The following KCNH8 variants were observed in gnomAD, a reference collection of about 807,000 sequenced individuals.
KCNH8 encodes the protein potassium voltage-gated channel subfamily H member 8.
A neutral mutation model predicts 103.6 loss-of-function variants in KCNH8; 70 were observed. The ratio of observed to expected loss-of-function variants is 0.68; its 90% CI spans 0.56 to 0.82. The LOEUF (loss-of-function observed/expected upper bound fraction) is 0.82, where lower values mean the gene tolerates loss of function less well. KCNH8 is among the 40% of genes least tolerant of loss of function. The pLI, the probability that KCNH8 is intolerant of heterozygous loss-of-function variation, is 0.00. For missense variants in KCNH8, 1,217 were observed against 1,329.9 expected (o/e 0.92, Z 1.32); for synonymous variants, 498 against 489.4 (o/e 1.02, Z -0.23).
At chr3:19,291,968 T>C (rs187562422) in intron 3 of KCNH8, among the ~76,000 whole-genome samples, 5 of 152,330 alleles carry the variant, frequency 3.3e-5, no homozygotes. Flanking sequence ...CCCTCACCTG[T>C]GTGATAGTGG....
chr3:19,355,647 A>T (rs1001563260), intron 5 of KCNH8, among the ~76,000 whole-genome samples: 2 of 152,012 alleles, frequency 1.3e-5, no homozygotes, highest in African/African-American at 4.8e-5. Context: ...AAAACCAAAC[A>T]TCCCATGTTC....
chr3:19,172,547 G>T (rs1387689094), intron 1 of KCNH8, among the ~76,000 whole-genome samples: 1 of 152,116 alleles, frequency 6.6e-6, no homozygotes, highest in Non-Finnish European at 1.5e-5. Flanking sequence ...CATCACTGTT[G>T]TCATCTTTGT....
At chr3:19,412,497 CTAAA>C (rs2066795971) in intron 7 of KCNH8, among the ~76,000 whole-genome samples, 1 of 151,966 alleles carries the variant, frequency 6.6e-6, no homozygotes, top group Non-Finnish European at 1.5e-5. Flanking sequence ...GAATTTATAA[CTAAA>C]TAGTCAAAAG....
intron 3 of KCNH8, among the ~76,000 whole-genome samples, chr3:19,336,120 A>C (rs917993980): frequency 6.6e-6 from 1 of 151,634 alleles, no homozygotes. Flanking sequence ...TTAAATATAT[A>C]GTTTGTTTCA....
chr3:19,304,568 AAGAT>A (rs2065105858), intron 3 of KCNH8, among the ~76,000 whole-genome samples: 1 of 152,148 alleles, frequency 6.6e-6, no homozygotes. Flanking sequence ...TGAAGATTAA[AAGAT>A]AATGATAGAA....
intron 3 of KCNH8, among the ~76,000 whole-genome samples, chr3:19,341,280 C>A (rs1416579948): frequency 6.6e-6 from 1 of 152,110 alleles, no homozygotes; most frequent in African/African-American, 2.4e-5. Flanking sequence ...CTTGAGCCCA[C>A]TCCTTCAACG....
intron 4 of KCNH8, among the ~76,000 whole-genome samples, chr3:19,345,037 C>T (rs2065711390): frequency 6.6e-6 from 1 of 152,046 alleles, no homozygotes; most frequent in Admixed American, 6.6e-5. Context: ...GTCAAATGAA[C>T]TCGTCAGGTC....
intron 3 of KCNH8, among the ~76,000 whole-genome samples, chr3:19,288,387 C>T (rs1435284734): frequency 6.6e-6 from 1 of 151,146 alleles, no homozygotes; most frequent in Non-Finnish European, 1.5e-5. Flanking sequence ...CCCGTCCCCA[C>T]ACCCCACAAC....
At chr3:19,306,210 T>C (rs1370674269) in intron 3 of KCNH8, among the ~76,000 whole-genome samples, 2 of 152,056 alleles carry the variant, frequency 1.3e-5, no homozygotes, top group Non-Finnish European at 2.9e-5. Context: ...AGGATGGCTA[T>C]TATCAAACTT....
At chr3:19,510,305 C>T (rs1553607221) in intron 11 of KCNH8, 58 bp from the exon 12 acceptor site, 2 of 1,053,438 alleles carry the variant, frequency 1.9e-6, no homozygotes, top group Non-Finnish European at 3.0e-6. Flanking sequence ...CTGCATTTCA[C>T]CCAGTCCCAA....
chr3:19,477,624 A>G (rs1356736992), intron 11 of KCNH8, among the ~76,000 whole-genome samples: 1 of 152,158 alleles, frequency 6.6e-6, no homozygotes, highest in Non-Finnish European at 1.5e-5. Flanking sequence ...AATTATGGCC[A>G]GGTGGAAGCA....
At chr3:19,531,065 T>TCAAA (rs2069152942) in intron 15 of KCNH8, among the ~76,000 whole-genome samples, 5 of 152,322 alleles carry the variant, frequency 3.3e-5, no homozygotes, top group Admixed American at 1.3e-4. Flanking sequence ...TGCCTAAAAT[T>TCAAA]CAAACTTATT....
chr3:19,445,567 T>C (rs999982615), intron 8 of KCNH8, among the ~76,000 whole-genome samples: 1 of 151,994 alleles, frequency 6.6e-6, no homozygotes, highest in Non-Finnish European at 1.5e-5. Context: ...AGCTAGCTAA[T>C]AGTGAGCTAA....
At chr3:19,277,745 A>G (rs925939080) in intron 2 of KCNH8, among the ~76,000 whole-genome samples, 2 of 152,124 alleles carry the variant, frequency 1.3e-5, no homozygotes, top group Admixed American at 1.3e-4. Context: ...CCAAAAATAG[A>G]TTTTTCCATA....
At chr3:19,273,427 C>T (rs906743414) in intron 2 of KCNH8, among the ~76,000 whole-genome samples, 8 of 152,178 alleles carry the variant, frequency 5.3e-5, no homozygotes, top group Non-Finnish European at 8.8e-5. Flanking sequence ...AATTGTCCAT[C>T]ACATGTGGCC....
intron 3 of KCNH8, among the ~76,000 whole-genome samples, chr3:19,297,237 G>A (rs535628140): frequency 5.3e-5 from 8 of 152,302 alleles, no homozygotes; most frequent in Admixed American, 2.0e-4. Flanking sequence ...AGCAGCCACC[G>A]GCTGAGAATC....
rs2069221541 is a variant in KCNH8, at chr3:19,534,010, T to A, written c.3235T>A (p.Ser1079Thr). ...PGSWNQEGMA[S>T]ASTKPLENLP... ...ATCTTGGAACCAGGAAGGAATGGCA[T>A]CAGCTTCTACAAAACCTTTGGAGAA... The change falls in exon 16 of 16, where the codon TCA (serine) becomes ACA (threonine). Residue 1079 changes from serine to threonine, a missense_variant. This residue lies in a region of KCNH8 where 558 missense variants were observed against 495.8 expected (regional missense o/e 1.13). Coordinates refer to ENST00000328405, the MANE Select transcript of KCNH8 (RefSeq NM_144633.3). 5 of 1,614,078 alleles carry A rather than the reference T, an allele frequency of 3.1e-6. No homozygotes were observed. Among genetic ancestry groups the A allele is most frequent in the Non-Finnish European group, 3.4e-6 (4 of 1,180,040 alleles).
chr3:19,189,467 A>G (rs1251894363), intron 1 of KCNH8, among the ~76,000 whole-genome samples: 5 of 151,946 alleles, frequency 3.3e-5, no homozygotes, highest in African/African-American at 1.2e-4. Flanking sequence ...TGTAAATTTC[A>G]GTGTTTTGGC....
chr3:19,481,866 A>G (rs1277629489), intron 11 of KCNH8, among the ~76,000 whole-genome samples: 2 of 152,228 alleles, frequency 1.3e-5, no homozygotes, highest in Non-Finnish European at 2.9e-5. Context: ...GTCAGGATGC[A>G]TGGCCTGTGA....
Sources: allele counts gnomAD v4.1 joint callset (sites outside exome capture counted in the v4.1 genomes callset), GRCh38; gene constraint gnomAD v4.1.1; regional missense constraint gnomAD v4.1.1; transcripts MANE v1.5; gene names NCBI Gene and HGNC (gene_info 2026-07-23, HGNC 2026-07-21).